DTNBP1: variants seen among roughly 807,000 people sequenced by gnomAD.
The protein encoded by DTNBP1 is dystrobrevin binding protein 1, also known as dysbindin.
In DTNBP1, 35 loss-of-function variants were observed where a neutral mutation model predicts 42.8. That is an observed-to-expected ratio of 0.82 (90% confidence interval 0.63 to 1.09). The LOEUF (loss-of-function observed/expected upper bound fraction) is 1.09. Ranked by LOEUF, DTNBP1 falls within the 50% of genes least tolerant of loss-of-function variation. The probability of loss-of-function intolerance (pLI) is 0.00; values close to 1 mark genes in which losing one functional copy is unlikely to be tolerated. For synonymous variants in DTNBP1, 171 were observed against 162.2 expected, an observed-to-expected ratio of 1.05 and a Z score of -0.41; for missense variants, 457 against 424.2, an observed-to-expected ratio of 1.08 and a Z score of -0.68.
chr6:15,547,335 A>C (rs1009223899), intron 7 of DTNBP1, among the ~76,000 whole-genome samples: 2 of 152,232 alleles, frequency 1.3e-5, no homozygotes, highest in African/African-American at 4.8e-5. Flanking sequence ...CCCCATATCC[A>C]GAATCTGATT....
At chr6:15,523,922 C>A (rs368359659) in intron 9 of DTNBP1, 2 of 1,287,332 alleles carry the variant, frequency 1.6e-6, no homozygotes, top group East Asian at 5.5e-5. Context: ...GCTGGGACGA[C>A]TGAGCTTTGC....
At chr6:15,616,978 CAAT>C (rs1758752929) in intron 5 of DTNBP1, among the ~76,000 whole-genome samples, 1 of 152,092 alleles carries the variant, frequency 6.6e-6, no homozygotes, top group African/African-American at 2.4e-5. Flanking sequence ...TATACAACAA[CAAT>C]GAAATTGCAG....
rs1299586955 is a variant in DTNBP1 at position 15,587,400 on chromosome 6, A to G, written c.511+5659T>C. 6.6e-6 allele frequency among the ~76,000 whole-genome samples: 1 copy of G among 152,196 alleles called. No homozygotes were observed. Among genetic ancestry groups the G allele is most frequent in the African/African-American group, 2.4e-5 (1 of 41,452 alleles). On this transcript the variant is annotated intron_variant, in intron 7 of 9. Coordinates refer to ENST00000344537, the MANE Select transcript of DTNBP1 (RefSeq NM_032122.5). The surrounding 1 kb of genome is among the most constrained non-coding windows in gnomAD (Gnocchi z 4.1). ...TCTTTCCTTTGTTAGAATTGTCAAA[A>G]TGATCCTAAAATTTATATGAAAAGA...
At chr6:15,582,961 C>CCAAATTT (rs1775903325) in intron 7 of DTNBP1, among the ~76,000 whole-genome samples, 1 of 152,106 alleles carries the variant, frequency 6.6e-6, no homozygotes, top group Admixed American at 6.6e-5. Flanking sequence ...AACAAATTAG[C>CCAAATTT]CAAATTTCAA....
intron 5 of DTNBP1, among the ~76,000 whole-genome samples, chr6:15,620,859 G>A (rs1398956059): frequency 3.9e-5 from 6 of 152,162 alleles, no homozygotes; most frequent in Admixed American, 3.9e-4. Flanking sequence ...CCTCGTCTGT[G>A]AAGAGAGAGC....
At chr6:15,523,598 A>G in intron 9 of DTNBP1, 1 of 1,285,824 alleles carries the variant, frequency 7.8e-7, no homozygotes, top group Non-Finnish European at 1.0e-6. Flanking sequence ...TAATTCAGAG[A>G]CACCACTGCT....
chr6:15,548,468 C>CAG (rs1774019450), intron 7 of DTNBP1: 1 of 151,942 alleles, frequency 6.6e-6, no homozygotes, highest in African/African-American at 2.4e-5. Flanking sequence ...CACACACACA[C>CAG]ACACACACAC....
At chr6:15,529,661 T>C (rs1265777290) in intron 8 of DTNBP1, among the ~76,000 whole-genome samples, 5 of 152,222 alleles carry the variant, frequency 3.3e-5, no homozygotes, top group Non-Finnish European at 5.9e-5. Flanking sequence ...GAGCCTGACA[T>C]CTATGGGAAC....
intron 7 of DTNBP1, among the ~76,000 whole-genome samples, chr6:15,545,490 G>GAC (rs143734415): frequency 3.3e-5 from 5 of 151,672 alleles, no homozygotes; most frequent in African/African-American, 4.8e-5. Flanking sequence ...CTCCAACACA[G>GAC]ACACACACAC....
intron 4 of DTNBP1, among the ~76,000 whole-genome samples, chr6:15,627,802 A>G (rs1759439735): frequency 6.6e-6 from 1 of 150,962 alleles, no homozygotes; most frequent in African/African-American, 2.4e-5. Context: ...AAAAAAAAAA[A>G]CAAAAACAAA....
intron 7 of DTNBP1, among the ~76,000 whole-genome samples, chr6:15,573,396 A>G (rs1775422086): frequency 6.6e-6 from 1 of 152,248 alleles, no homozygotes; most frequent in Admixed American, 6.5e-5. Flanking sequence ...TATAAATTAC[A>G]GTAAAGAGTC....
intron 6 of DTNBP1, among the ~76,000 whole-genome samples, chr6:15,608,949 A>G (rs1450247440): frequency 2.0e-5 from 3 of 152,120 alleles, no homozygotes; most frequent in Non-Finnish European, 4.4e-5. Flanking sequence ...TTTAAACTCA[A>G]ACATTCATAT....
At chr6:15,609,629 G>C (rs138977827) in intron 6 of DTNBP1, among the ~76,000 whole-genome samples, 3 of 152,236 alleles carry the variant, frequency 2.0e-5, no homozygotes, top group Non-Finnish European at 4.4e-5. Flanking sequence ...TCGTTTTTAA[G>C]TTTTCTTCTG....
chr6:15,644,669 T>C (rs547310806), intron 3 of DTNBP1, among the ~76,000 whole-genome samples: 1 of 152,054 alleles, frequency 6.6e-6, no homozygotes, highest in South Asian at 2.1e-4. Flanking sequence ...AACAACCTGC[T>C]CCTGAATGAC....
At chr6:15,594,337 C>T (rs1369567438) in intron 6 of DTNBP1, among the ~76,000 whole-genome samples, 1 of 151,674 alleles carries the variant, frequency 6.6e-6, no homozygotes, top group Non-Finnish European at 1.5e-5. Context: ...TGGTGGTGGG[C>T]ACCTGCAATC....
chr6:15,638,854 T>G (rs1014949698), intron 3 of DTNBP1, among the ~76,000 whole-genome samples: 15 of 143,826 alleles, frequency 1.0e-4, no homozygotes, highest in Admixed American at 4.9e-4. Context: ...TTTTTTTTTT[T>G]TGAGACAGGG....
chr6:15,632,018 G>C (rs1013301330), intron 4 of DTNBP1, among the ~76,000 whole-genome samples: 1 of 152,088 alleles, frequency 6.6e-6, no homozygotes, highest in Non-Finnish European at 1.5e-5. Context: ...GTTTCAATTT[G>C]CATTTCCTTG....
rs375132444 is a variant in DTNBP1 at position 15,613,512 on chromosome 6, G to A, written c.488+1755C>T. Among the ~76,000 whole-genome samples the A allele has an allele frequency of 1.8e-3, 279 of 151,268 alleles. 3 individuals are homozygous for A. Among genetic ancestry groups the A allele is most frequent in the East Asian group, 0.018 (90 of 5,062 alleles). ...CTCCCGAGTAGCTGGGACTACAGGCGCCCGCCACCACACCCGGCTAATTTT... is the reference window on the plus strand; with the variant it reads ...CTCCCGAGTAGCTGGGACTACAGGCACCCGCCACCACACCCGGCTAATTTT... On this transcript the variant is annotated intron_variant, in intron 6 of 9. Coordinates refer to ENST00000344537, the MANE Select transcript of DTNBP1 (RefSeq NM_032122.5).
At chr6:15,614,767 ACAT>A (rs1405417977) in intron 6 of DTNBP1, among the ~76,000 whole-genome samples, 1 of 152,240 alleles carries the variant, frequency 6.6e-6, no homozygotes, top group African/African-American at 2.4e-5. Context: ...TGATAGGGGT[ACAT>A]CATTATCCCA....
Sources: allele counts gnomAD v4.1 joint callset (sites outside exome capture counted in the v4.1 genomes callset), GRCh38; gene constraint gnomAD v4.1.1; non-coding constraint Gnocchi (gnomAD v3.1); transcripts MANE v1.5; gene names NCBI Gene and HGNC (gene_info 2026-07-23, HGNC 2026-07-21).